Variants in LAMB3 observed in about 807,000 individuals in gnomAD.
The protein encoded by LAMB3 is laminin subunit beta-3.
LAMB3 carries 104 observed loss-of-function variants against 140.3 expected under a neutral mutation model. That is an observed-to-expected ratio of 0.74 (90% confidence interval 0.63 to 0.87). The LOEUF (loss-of-function observed/expected upper bound fraction) is 0.87. Among genes scored for constraint, LAMB3 ranks in the 40% least tolerant of loss-of-function variants. LAMB3 has a pLI of 0.00. For missense variants in LAMB3, 1,531 were observed against 1,575.2 expected, an observed-to-expected ratio of 0.97 and a Z score of 0.47; for synonymous variants, 592 against 602.9, an observed-to-expected ratio of 0.98 and a Z score of 0.26.
At chr1:209,640,384 C>G (rs2076457587) in intron 3 of LAMB3, among the ~76,000 whole-genome samples, 1 of 151,900 alleles carries the variant, frequency 6.6e-6, no homozygotes, top group Non-Finnish European at 1.5e-5. Flanking sequence ...CCTGTCTCTA[C>G]TAAAAATACA....
At chr1:209,638,084 T>C in intron 4 of LAMB3, 103 bp from the exon 5 acceptor site, 1 of 938,120 alleles carries the variant, frequency 1.1e-6, no homozygotes. Flanking sequence ...AGAAACTCTC[T>C]AACCTTGATT....
chr1:209,626,983 G>A lies in LAMB3; in HGVS notation c.1486-5C>T, dbSNP rs113121669. ...ACAGGGGCACTGCCCTGTGAACTGC[G>A]TGGGGAGAGCACCGTCAGTGGACCC... On this transcript the variant is annotated splice_polypyrimidine_tract_variant and splice_region_variant and intron_variant, in intron 12 of 22. Transcript: ENST00000356082. 2.7e-5 allele frequency: 44 copies of A among 1,600,056 alleles called. No individual in the cohort carries two copies. Among genetic ancestry groups the A allele is most frequent in the African/African-American group, 2.4e-4 (18 of 74,592 alleles).
At chr1:209,637,802 T>G (rs1205772578) in intron 5 of LAMB3, 106 bp downstream of exon 5, 2 of 896,902 alleles carry the variant, frequency 2.2e-6, no homozygotes, top group Non-Finnish European at 3.6e-6. Flanking sequence ...TCATGGTGAG[T>G]GTTGCCCCAA....
intron 9 of LAMB3, 126 bp downstream of exon 9, chr1:209,630,489 G>T: frequency 9.4e-7 from 1 of 1,062,226 alleles, no homozygotes; most frequent in Non-Finnish European, 1.4e-6. Flanking sequence ...TTGTAATGGT[G>T]CAATTCAGTT....
At position 209,625,789 on chromosome 1, in the gene LAMB3, C is replaced by T; in HGVS notation, c.1835G>A (p.Gly612Glu). The change falls in exon 14 of 23, where the codon GGG becomes GAG. Residue 612 changes from glycine (G) to glutamate (E), a missense_variant. By Grantham distance (98) the Gly-to-Glu change is moderately conservative. Coordinates refer to ENST00000356082, the MANE Select transcript of LAMB3 (RefSeq NM_000228.3). ...LRNATASLWSGPGLEDRGLAS... is the reference protein window; with the variant it reads ...LRNATASLWSEPGLEDRGLAS... ...CAGGCCACGGTCCTCCAGCCCAGGC[C>T]CTGACCACAGGCTGGCGGTGGCATT... is the stretch of plus-strand genomic sequence containing the variant. 3 of 1,614,154 alleles carry T rather than the reference C, an allele frequency of 1.9e-6. No individual in the cohort carries two copies. Among genetic ancestry groups the T allele is most frequent in the Non-Finnish European group, 2.5e-6 (3 of 1,180,034 alleles).
chr1:209,646,710 G>A (rs2076521854), intron 3 of LAMB3, among the ~76,000 whole-genome samples: 1 of 152,254 alleles, frequency 6.6e-6, no homozygotes. Flanking sequence ...GCCTCTGCAT[G>A]TGGATGCAGC....
intron 18 of LAMB3, among the ~76,000 whole-genome samples, chr1:209,621,380 C>A (rs1431048875): frequency 6.6e-6 from 1 of 152,196 alleles, no homozygotes. Context: ...AGTCATGAGA[C>A]CTCAGAAGAA....
At chr1:209,629,603 A>G in intron 10 of LAMB3, 134 bp downstream of exon 10, 1 of 800,782 alleles carries the variant, frequency 1.2e-6, no homozygotes, top group Non-Finnish European at 2.2e-6. Flanking sequence ...ATCTCCCACA[A>G]ATCCTGACTC....
Position 209,623,183 on chromosome 1 carries a change from T to G in LAMB3, c.2359-4A>C. 6.2e-7 allele frequency: 1 copy of G among 1,614,144 alleles called. No individual in the cohort carries two copies. Among genetic ancestry groups the G allele is most frequent in the Non-Finnish European group, 8.5e-7 (1 of 1,179,990 alleles). On this transcript the variant is annotated splice_polypyrimidine_tract_variant and splice_region_variant and intron_variant, in intron 16 of 22. Transcript: ENST00000356082. The surrounding 1 kb of genome is among the most constrained non-coding windows in gnomAD (Gnocchi z 4.2). The stretch of plus-strand genomic sequence containing the variant: ...TCTGCCTGGAGTTGCCACAGAGCTG[T>G]GGACAGATGGCGGTGTTAAAGAGGC...
At position 209,637,988 on chromosome 1, in the gene LAMB3, G is replaced by A; in HGVS notation, c.299-7C>T. 1 of 1,610,940 alleles carries A rather than the reference G, an allele frequency of 6.2e-7. No individual in the cohort carries two copies. The highest frequency in any genetic ancestry group is 8.5e-7 in the Non-Finnish European group (1 of 1,178,320). On this transcript the variant is annotated splice_polypyrimidine_tract_variant and splice_region_variant and intron_variant, in intron 4 of 22. Transcript: ENST00000356082. ...AGAGAGACAGGGTTCACATCTGGAA[G>A]GACAAAAAATAGAAACTGTCATCCA...
rs1349204511 is a variant in LAMB3 at position 209,638,650 on chromosome 1, T to C, written c.184-2A>G. ...ACACTTGCAGCATTTCATCTGCCAC[T>C]GTGGGAGAGGGAGATAGCAGACACT... On this transcript the variant is annotated splice_acceptor_variant, in intron 3 of 22. Coordinates refer to ENST00000356082, the MANE Select transcript of LAMB3 (RefSeq NM_000228.3). LOFTEE classifies it high-confidence loss of function. 1 of 1,600,962 alleles carries C rather than the reference T, an allele frequency of 6.2e-7. No individual in the cohort carries two copies. Among genetic ancestry groups the C allele is most frequent in the Non-Finnish European group, 8.6e-7 (1 of 1,168,128 alleles).
chr1:209,641,096 AAAT>A (rs1172516806), intron 3 of LAMB3, among the ~76,000 whole-genome samples: 6 of 128,900 alleles, frequency 4.7e-5, no homozygotes, highest in African/African-American at 1.5e-4. Flanking sequence ...AAAAAAAAAA[AAAT>A]TTAAAAAAAA....
chr1:209,637,759 G>T, intron 5 of LAMB3, 149 bp downstream of exon 5: 1 of 704,996 alleles, frequency 1.4e-6, no homozygotes, highest in Non-Finnish European at 2.5e-6. Flanking sequence ...TTTAGCCCAG[G>T]AGCGAGTCCT....
intron 3 of LAMB3, among the ~76,000 whole-genome samples, chr1:209,645,358 A>C (rs138348240): frequency 1.3e-5 from 2 of 152,196 alleles, no homozygotes; most frequent in African/African-American, 4.8e-5. Flanking sequence ...CATCCAAAAC[A>C]GTAAACTCCC....
intron 2 of LAMB3, among the ~76,000 whole-genome samples, chr1:209,650,611 C>G (rs2076556946): frequency 6.6e-6 from 1 of 152,256 alleles, no homozygotes; most frequent in African/African-American, 2.4e-5. Context: ...ACTTAAGCCA[C>G]AGTGGCTCTG....
intron 5 of LAMB3, among the ~76,000 whole-genome samples, chr1:209,636,362 G>A (rs891635050): frequency 6.6e-6 from 1 of 152,176 alleles, no homozygotes; most frequent in African/African-American, 2.4e-5. Flanking sequence ...TCCAGAAATT[G>A]TCAGATATCC....
intron 3 of LAMB3, among the ~76,000 whole-genome samples, chr1:209,647,822 T>C (rs2076531367): frequency 6.6e-6 from 1 of 152,226 alleles, no homozygotes; most frequent in Non-Finnish European, 1.5e-5. Context: ...AGGGAAAACA[T>C]GAGCCACTTC....
At chr1:209,634,920 TC>T (rs1558161334) in intron 5 of LAMB3, among the ~76,000 whole-genome samples, 47 of 3,596 alleles carry the variant, frequency 0.013, no homozygotes, top group East Asian at 0.068. Context: ...TTTTTTATTC[TC>T]TCTCTCTCTC....
rs1553276430 is a variant in LAMB3, at chr1:209,623,680, GC to G, written c.2182del (p.Ala728LeufsTer43). The G allele has an allele frequency of 6.2e-7, 1 of 1,614,194 alleles. No homozygotes were observed. Among genetic ancestry groups the G allele is most frequent in the Non-Finnish European group, 8.5e-7 (1 of 1,180,040 alleles). On this transcript the variant is annotated frameshift_variant, in exon 16 of 23. Coordinates refer to ENST00000356082, the MANE Select transcript of LAMB3 (RefSeq NM_000228.3). LOFTEE classifies it high-confidence loss of function. This position sits in a 1 kb window ranked among gnomAD's most constrained non-coding sequence, Gnocchi z 4.2. ...CGAGCTGTCGGAGACCTGCTGAGCA[GC>G]CTGGGCTGACTGCTCGTAGGCTGTG... ...LSTAYEQSAQAAQQVSDSSRL... is the reference protein window; with the variant it reads ...LSTAYEQSAQXAQQVSDSSRL...
Sources: allele counts gnomAD v4.1 joint callset (sites outside exome capture counted in the v4.1 genomes callset), GRCh38; gene constraint gnomAD v4.1.1; non-coding constraint Gnocchi (gnomAD v3.1); transcripts MANE v1.5; gene names NCBI Gene and HGNC (gene_info 2026-07-23, HGNC 2026-07-21).